The following GRM3 variants were observed in gnomAD, a reference collection of about 807,000 sequenced individuals.
The protein encoded by GRM3 is metabotropic glutamate receptor 3.
GRM3 carries 26 observed loss-of-function variants against 70.5 expected under a neutral mutation model. That is an observed-to-expected ratio of 0.37 (90% CI 0.27 to 0.51). The LOEUF (loss-of-function observed/expected upper bound fraction) is 0.51. Ranked by LOEUF, GRM3 falls within the 20% of genes least tolerant of loss-of-function variation. GRM3 has a pLI of 0.93. For synonymous variants in GRM3, 443 were observed against 434.9 expected (o/e 1.02, Z -0.23); for missense variants, 859 against 1,123.8 (o/e 0.76, Z 3.37).
chr7:86,727,115 A>G (rs1187683618), intron 1 of GRM3, among the ~76,000 whole-genome samples: 1 of 152,232 alleles, frequency 6.6e-6, no homozygotes, highest in Non-Finnish European at 1.5e-5. Context: ...GATAAATACA[A>G]GATAACTATA....
chr7:86,723,447 A>G (rs933858563), intron 1 of GRM3, among the ~76,000 whole-genome samples: 3 of 152,152 alleles, frequency 2.0e-5, no homozygotes, highest in African/African-American at 4.8e-5. Flanking sequence ...CCTGATACTC[A>G]TTTCTTTCTC....
intron 1 of GRM3, among the ~76,000 whole-genome samples, chr7:86,729,382 AAG>A (rs985814212): frequency 3.3e-5 from 5 of 152,166 alleles, no homozygotes; most frequent in Middle Eastern, 3.2e-3. Context: ...CATTTTTTTA[AAG>A]AGAGTATTAT....
At chr7:86,657,609 T>C (rs1460277881) in intron 1 of GRM3, among the ~76,000 whole-genome samples, 4 of 152,130 alleles carry the variant, frequency 2.6e-5, no homozygotes, top group Non-Finnish European at 5.9e-5. Flanking sequence ...ATTTCTCCTG[T>C]AGGCAGAGGA....
rs1797330806 is a variant in GRM3, at chr7:86,788,674, A to C, written c.1324+1558A>C. On this transcript the variant is annotated intron_variant, in intron 3 of 5. Coordinates refer to ENST00000361669, the MANE Select transcript of GRM3 (RefSeq NM_000840.3). ...TTGAGAATGGACCTTGGAGTCAGTA[A>C]AAAAAGAATATCTTTACTCTAAAAA... 3.3e-5 allele frequency among the ~76,000 whole-genome samples: 5 copies of C among 152,208 alleles called. 1 individual carries two copies. The highest frequency in any genetic ancestry group is 3.3e-4 in the Admixed American group (5 of 15,282).
At chr7:86,827,008 G>A (rs1223821134) in intron 3 of GRM3, among the ~76,000 whole-genome samples, 1 of 152,216 alleles carries the variant, frequency 6.6e-6, no homozygotes, top group African/African-American at 2.4e-5. Context: ...TGTGTCCAGT[G>A]TTCCTTAATG....
chr7:86,850,056 C>T (rs1414925248), intron 4 of GRM3, among the ~76,000 whole-genome samples: 1 of 152,090 alleles, frequency 6.6e-6, no homozygotes, highest in Non-Finnish European at 1.5e-5. Context: ...TTTAAGATTC[C>T]ACCTTCTGTG....
At chr7:86,656,323 T>A (rs928236660) in intron 1 of GRM3, among the ~76,000 whole-genome samples, 9 of 139,706 alleles carry the variant, frequency 6.4e-5, no homozygotes, top group African/African-American at 2.4e-4. Flanking sequence ...TGGAGTGCAG[T>A]GGCACGATCT....
chr7:86,775,275 T>C (rs1401714185), intron 2 of GRM3: 1 of 152,068 alleles, frequency 6.6e-6, no homozygotes, highest in African/African-American at 2.4e-5. Flanking sequence ...AGGTGACCTG[T>C]AATGACAAAA....
intron 1 of GRM3, among the ~76,000 whole-genome samples, chr7:86,675,612 T>C (rs1364414318): frequency 1.3e-5 from 2 of 152,068 alleles, no homozygotes; most frequent in East Asian, 1.9e-4. Flanking sequence ...AGGTGAACTA[T>C]TGAAAGCAAT....
chr7:86,680,523 C>T (rs111806645), intron 1 of GRM3, among the ~76,000 whole-genome samples: 3,030 of 152,216 alleles, frequency 0.02, 101 homozygotes, highest in African/African-American at 0.069. Context: ...GCTGCCTCTA[C>T]TATGCAAGTG....
At chr7:86,698,337 G>T (rs552036909) in intron 1 of GRM3, among the ~76,000 whole-genome samples, 5 of 151,800 alleles carry the variant, frequency 3.3e-5, no homozygotes, top group Non-Finnish European at 7.4e-5. Context: ...TATTAAAGAA[G>T]TCCCTTCCTT....
At position 86,814,154 on chromosome 7, in the gene GRM3, G is replaced by T. The variant is rs372090524; in HGVS notation, c.1325-24685G>T. The stretch of plus-strand genomic sequence containing the variant: ...ACCCCCAATTTAATGGCTCTGTTGC[G>T]GTCACAGTCTGAATGTACTCACCTC... On this transcript the variant is annotated intron_variant, in intron 3 of 5. Transcript: ENST00000361669. 3.3e-5 allele frequency among the ~76,000 whole-genome samples: 5 copies of T among 151,830 alleles called. No individual in the cohort carries two copies. In the East Asian group the frequency reaches 9.7e-4, roughly 29 times the overall value.
At position 86,838,847 on chromosome 7, in the gene GRM3, A is replaced by G. The variant is rs760146774; in HGVS notation, c.1333A>G (p.Asn445Asp). Residue 445 changes from asparagine to aspartate, a missense_variant, in exon 4 of 6, where the codon AAC (asparagine) becomes GAC (aspartate). Asn to Asp is a conservative substitution (Grantham distance 23). Transcript: ENST00000361669. ...LLKINFTAPF[N>D]PNKDADSIVK... ...CACTTTACATATCACAGCTCCATTC[A>G]ACCCAAATAAAGATGCAGATAGCAT... is the stretch of plus-strand genomic sequence containing the variant. The G allele has an allele frequency of 3.8e-6, 6 of 1,598,832 alleles. No homozygotes were observed. The South Asian group carries it at 6.7e-5, about 18-fold the overall frequency.
intron 5 of GRM3, among the ~76,000 whole-genome samples, chr7:86,854,480 A>G (rs1333740743): frequency 1.3e-5 from 2 of 152,236 alleles, no homozygotes; most frequent in Non-Finnish European, 2.9e-5. Flanking sequence ...TATGTGCAAA[A>G]GAGTACAATT....
chr7:86,757,265 T>C (rs1377598980), intron 1 of GRM3, among the ~76,000 whole-genome samples: 2 of 152,208 alleles, frequency 1.3e-5, no homozygotes, highest in African/African-American at 4.8e-5. Context: ...CATATATTTG[T>C]AGGCAGTCTG....
chr7:86,732,944 T>G (rs1795769376), intron 1 of GRM3, among the ~76,000 whole-genome samples: 1 of 152,090 alleles, frequency 6.6e-6, no homozygotes, highest in African/African-American at 2.4e-5. Context: ...AGTAAAATTC[T>G]AAACAGCAAA....
chr7:86,653,254 C>T (rs1303669080), intron 1 of GRM3, among the ~76,000 whole-genome samples: 1 of 152,190 alleles, frequency 6.6e-6, no homozygotes, highest in African/African-American at 2.4e-5. Context: ...TAAACCTGAT[C>T]ATCTCCCAAA....
At chr7:86,718,701 C>A (rs1041719891) in intron 1 of GRM3, among the ~76,000 whole-genome samples, 2 of 151,834 alleles carry the variant, frequency 1.3e-5, no homozygotes, top group Admixed American at 6.6e-5. Flanking sequence ...TCAGAACACC[C>A]GGGTGACAGT....
At chr7:86,673,459 A>C (rs1162456593) in intron 1 of GRM3, among the ~76,000 whole-genome samples, 1 of 152,020 alleles carries the variant, frequency 6.6e-6, no homozygotes, top group African/African-American at 2.4e-5. Context: ...CCTAAAACCA[A>C]GCCTTCTGTC....
Sources: allele counts gnomAD v4.1 joint callset (sites outside exome capture counted in the v4.1 genomes callset), GRCh38; gene constraint gnomAD v4.1.1; transcripts MANE v1.5; gene names NCBI Gene and HGNC (gene_info 2026-07-23, HGNC 2026-07-21).